The following ABI3BP variants were observed in gnomAD, a reference collection of about 807,000 sequenced individuals.
The protein encoded by ABI3BP is ABI family member 3 binding protein.
In ABI3BP, 216 loss-of-function variants were observed where a neutral mutation model predicts 268.6. The ratio of observed to expected loss-of-function variants is 0.80; its 90% CI spans 0.72 to 0.90. ABI3BP has a LOEUF of 0.90. ABI3BP is among the 40% of genes least tolerant of loss of function. The pLI is 0.00. For synonymous variants in ABI3BP, 730 were observed against 730.0 expected, an observed-to-expected ratio of 1.00 and a Z score of 0.00; for missense variants, 2,090 against 2,182.4, an observed-to-expected ratio of 0.96 and a Z score of 0.84.
intron 2 of ABI3BP, among the ~76,000 whole-genome samples, chr3:100,921,214 A>G (rs1463443131): frequency 6.6e-6 from 1 of 152,228 alleles, no homozygotes; most frequent in East Asian, 1.9e-4. Context: ...CAAACTCTTC[A>G]ATCAGAATTT....
intron 7 of ABI3BP, among the ~76,000 whole-genome samples, chr3:100,876,059 T>A (rs1262836922): frequency 1.3e-5 from 2 of 152,194 alleles, no homozygotes; most frequent in Non-Finnish European, 2.9e-5. Flanking sequence ...CCAAGAAACT[T>A]TCTGGAAATA....
chr3:100,753,470 TTTTG>T (rs2149272970), intron 65 of ABI3BP, among the ~76,000 whole-genome samples: 1 of 152,104 alleles, frequency 6.6e-6, no homozygotes, highest in South Asian at 2.1e-4. Context: ...TTTTTAAATT[TTTTG>T]TAGAGAGGGA....
chr3:100,805,052 A>G (rs1179221112), intron 50 of ABI3BP, among the ~76,000 whole-genome samples, 186 bp from the exon 51 acceptor site: 4 of 152,166 alleles, frequency 2.6e-5, no homozygotes, highest in Non-Finnish European at 5.9e-5. Flanking sequence ...AGAATTCCAG[A>G]TAATTATATA....
intron 1 of ABI3BP, among the ~76,000 whole-genome samples, chr3:100,934,317 C>T (rs1007285374): frequency 2.6e-5 from 4 of 151,986 alleles, no homozygotes; most frequent in Admixed American, 2.0e-4. Context: ...TGAACTCATC[C>T]TTTTTTATGG....
intron 9 of ABI3BP, among the ~76,000 whole-genome samples, chr3:100,867,897 A>G (rs2099070506): frequency 6.6e-6 from 1 of 152,174 alleles, no homozygotes; most frequent in Admixed American, 6.5e-5. Context: ...CAACTATTTG[A>G]GAAACTTCAT....
At chr3:100,812,406 T>C (rs930887397) in intron 46 of ABI3BP, 61 bp downstream of exon 46, 1 of 1,119,860 alleles carries the variant, frequency 8.9e-7, no homozygotes, top group Non-Finnish European at 1.2e-6. Flanking sequence ...CATCCAGAGA[T>C]GACTTTGCAA....
At chr3:100,878,673 T>C (rs1821794) in intron 6 of ABI3BP, among the ~76,000 whole-genome samples, 107,109 of 152,006 alleles carry the variant, frequency 0.7, 38,524 homozygotes, top group Non-Finnish European at 0.78. Flanking sequence ...AACTATTACA[T>C]GTGAGCACTT....
At chr3:100,780,105 C>A in intron 58 of ABI3BP, 27 bp downstream of exon 58, 1 of 1,608,992 alleles carries the variant, frequency 6.2e-7, no homozygotes, top group South Asian at 1.1e-5. Context: ...GCTGAGCTGT[C>A]ATAAAAGTCA....
At chr3:100,821,399 C>A (rs1403887480) in intron 38 of ABI3BP, among the ~76,000 whole-genome samples, 2 of 152,036 alleles carry the variant, frequency 1.3e-5, no homozygotes, top group Non-Finnish European at 2.9e-5. Flanking sequence ...GAGACGGAGG[C>A]CTTAGCATGA....
At chr3:100,775,927 T>G (rs2096687624) in intron 59 of ABI3BP, among the ~76,000 whole-genome samples, 1 of 151,994 alleles carries the variant, frequency 6.6e-6, no homozygotes, top group Non-Finnish European at 1.5e-5. Flanking sequence ...GGACAGGATG[T>G]AAGGGGTGGA....
intron 14 of ABI3BP, among the ~76,000 whole-genome samples, chr3:100,854,322 G>A (rs1560859605): frequency 1.3e-5 from 2 of 152,084 alleles, no homozygotes; most frequent in South Asian, 4.1e-4. Context: ...TCTCGCCACT[G>A]CACTCTAGCC....
At position 100,811,222 on chromosome 3, in the gene ABI3BP, G is replaced by A. The variant is rs1320120092; in HGVS notation, c.3541+8C>T. Reference sequence around the variant, plus strand: ...GAGCACCCAGGGTTGGGCTACCGAGGTTATTACCTAGTGTGGTCTCAGGTG... The same window carrying A: ...GAGCACCCAGGGTTGGGCTACCGAGATTATTACCTAGTGTGGTCTCAGGTG... On this transcript the variant is annotated splice_region_variant and intron_variant, in intron 48 of 67. Coordinates refer to ENST00000471714, the MANE Select transcript of ABI3BP (RefSeq NM_001375547.2). The A allele has an allele frequency of 3.3e-6, 5 of 1,533,182 alleles. No individual in the cohort carries two copies. The highest frequency in any genetic ancestry group is 2.0e-5 in the Admixed American group (1 of 50,758). 95.0% of individuals were successfully genotyped at this position (1,533,182 alleles called of 1,614,324 possible). A position where few individuals can be genotyped will look rare whatever the true frequency, so the allele number is the denominator to read the frequency against.
At chr3:100,966,081 A>T (rs139139011) in intron 1 of ABI3BP, among the ~76,000 whole-genome samples, 110 of 152,314 alleles carry the variant, frequency 7.2e-4, no homozygotes, top group African/African-American at 2.5e-3. Flanking sequence ...TGAAAGCACG[A>T]TCGACTTCAT....
chr3:100,983,303 G>A, intron 1 of ABI3BP, among the ~76,000 whole-genome samples: 1 of 152,048 alleles, frequency 6.6e-6, no homozygotes, highest in East Asian at 1.9e-4. Context: ...GCTACATGCT[G>A]AAAAATTATC....
chr3:100,992,466 C>T (rs184559932), intron 1 of ABI3BP, among the ~76,000 whole-genome samples: 3 of 152,162 alleles, frequency 2.0e-5, no homozygotes, highest in Admixed American at 1.3e-4. Context: ...AAATTCCAGC[C>T]TGTTTTTCAC....
intron 45 of ABI3BP, among the ~76,000 whole-genome samples, chr3:100,813,021 C>T (rs145346587): frequency 6.6e-4 from 100 of 152,230 alleles, no homozygotes; most frequent in Middle Eastern, 6.8e-3. Flanking sequence ...ACTGGGACTA[C>T]AGGCATGCAC....
chr3:100,847,557 T>C (rs1192520861), intron 19 of ABI3BP, 45 bp downstream of exon 19: 3 of 1,503,406 alleles, frequency 2.0e-6, no homozygotes, highest in African/African-American at 1.4e-5. Context: ...GGATTTTCCA[T>C]GGTGAAATGA....
At chr3:100,871,656 C>T (rs1029553879) in intron 9 of ABI3BP, among the ~76,000 whole-genome samples, 7 of 152,210 alleles carry the variant, frequency 4.6e-5, no homozygotes, top group South Asian at 4.1e-4. Flanking sequence ...TGACTTGCTC[C>T]TCCTTGCCTT....
chr3:100,781,006 A>G (rs1398211227), intron 57 of ABI3BP, among the ~76,000 whole-genome samples: 2 of 152,252 alleles, frequency 1.3e-5, no homozygotes, highest in Admixed American at 1.3e-4. Flanking sequence ...ATAAAAGAAT[A>G]GAAACAGACA....
Sources: gnomAD v4.1 joint callset for allele counts (sites outside exome capture counted in the v4.1 genomes callset) on GRCh38, gnomAD v4.1.1 for gene constraint, MANE v1.5 for transcripts, NCBI Gene and HGNC (gene_info 2026-07-23, HGNC 2026-07-21) for gene names.